Variants in ZNF33B observed in about 807,000 individuals in gnomAD.
The protein encoded by ZNF33B is zinc finger protein 11b (KOX 2).
ZNF33B carries 29 observed loss-of-function variants against 45.8 expected under a neutral mutation model. The observed-to-expected ratio is 0.63, with a 90% CI of 0.47 to 0.86. The LOEUF (loss-of-function observed/expected upper bound fraction) is 0.86. Ranked by LOEUF, ZNF33B falls within the 40% of genes least tolerant of loss-of-function variation. The pLI is 0.00. For missense variants in ZNF33B, 831 were observed against 909.9 expected (o/e 0.91, Z 1.12); for synonymous variants, 305 against 307.8 (o/e 0.99, Z 0.10).
At chr10:42,601,058 T>TA (rs1165684734) in intron 4 of ZNF33B, among the ~76,000 whole-genome samples, 1 of 152,200 alleles carries the variant, frequency 6.6e-6, no homozygotes, top group East Asian at 1.9e-4. Context: ...TAGCTATTTT[T>TA]ACCAAGTATA....
chr10:42,637,593 C>CA (rs1839375026), intron 1 of ZNF33B, among the ~76,000 whole-genome samples: 1 of 152,072 alleles, frequency 6.6e-6, no homozygotes, highest in South Asian at 2.1e-4. Context: ...GTAACCTTGA[C>CA]AAACAAAAAA....
intron 1 of ZNF33B, chr10:42,583,211 T>C: frequency 1.4e-6 from 1 of 702,732 alleles, no homozygotes; most frequent in South Asian, 1.4e-5. Flanking sequence ...CCTCTTTTCT[T>C]GTGTTTTCCT....
chr10:42,587,528 T>G (rs1258787099), downstream of ZNF33B, among the ~76,000 whole-genome samples: 2 of 152,152 alleles, frequency 1.3e-5, no homozygotes, highest in African/African-American at 2.4e-5. Context: ...GTGCTGCGAT[T>G]TGTTGAGCCA....
chr10:42,602,916 T>C (rs1837686914), intron 4 of ZNF33B, among the ~76,000 whole-genome samples: 1 of 152,142 alleles, frequency 6.6e-6, no homozygotes, highest in Admixed American at 6.6e-5. Context: ...TCCAGGCCTC[T>C]CTCTGTGTGC....
At chr10:42,627,013 T>C (rs1317551259) in intron 4 of ZNF33B, among the ~76,000 whole-genome samples, 4 of 152,078 alleles carry the variant, frequency 2.6e-5, no homozygotes, top group Admixed American at 1.3e-4. Flanking sequence ...TTTTTCTTTT[T>C]TTTTTTGGAG....
At chr10:42,604,903 A>G (rs575897167) in intron 4 of ZNF33B, among the ~76,000 whole-genome samples, 1 of 152,034 alleles carries the variant, frequency 6.6e-6, no homozygotes, top group Non-Finnish European at 1.5e-5. Context: ...CTTGGGCAAC[A>G]AGAGTGAAAT....
downstream of ZNF33B, among the ~76,000 whole-genome samples, chr10:42,586,790 A>G (rs1836945040): frequency 6.6e-6 from 1 of 152,222 alleles, no homozygotes; most frequent in African/African-American, 2.4e-5. Flanking sequence ...AGCATGGCCA[A>G]ATGCCAAATT....
rs1837083584 is a variant in ZNF33B, at chr10:42,590,624, A to G, written c.*1989T>C. On this transcript the variant is annotated 3_prime_UTR_variant, in exon 5 of 5. Transcript: ENST00000359467. ...TACTGCTTCAATTTATTTAATAGATATATATGCCTACTGAGATCTACCTTT... is the reference window on the plus strand; with the variant it reads ...TACTGCTTCAATTTATTTAATAGATGTATATGCCTACTGAGATCTACCTTT... The G allele has an allele frequency of 6.6e-6, 1 of 152,076 alleles. No individual in the cohort carries two copies. The highest frequency in any genetic ancestry group is 1.5e-5 in the Non-Finnish European group (1 of 68,008). The allele number at this position is 152,076 out of a possible 1,614,324, so 9.4% of individuals were successfully genotyped here.
intron 4 of ZNF33B, among the ~76,000 whole-genome samples, chr10:42,612,840 TTTTC>T (rs983557727): frequency 6.8e-6 from 1 of 147,234 alleles, no homozygotes; most frequent in South Asian, 2.1e-4. Context: ...TGATAATTTA[TTTTC>T]TTTCTTTCTT....
Position 42,591,226 on chromosome 10 carries a change from G to A in ZNF33B, c.*1387C>T, listed in dbSNP as rs1266359279. The A allele has an allele frequency of 6.6e-6, 6 of 910,960 alleles. No homozygotes were observed. Among genetic ancestry groups the A allele is most frequent in the Non-Finnish European group, 7.9e-6 (6 of 762,776 alleles). 56.4% of individuals were successfully genotyped at this position (910,960 alleles called of 1,614,324 possible). On this transcript the variant is annotated 3_prime_UTR_variant, in exon 5 of 5. Coordinates refer to ENST00000359467, the MANE Select transcript of ZNF33B (RefSeq NM_006955.3). ...AGTCCAACAGCCCTGGGCAGCAACT[G>A]GGCTGTATGTGTGGGCCTCTTTCCA...
intron 4 of ZNF33B, among the ~76,000 whole-genome samples, chr10:42,601,539 C>G (rs1837623332): frequency 7.6e-6 from 1 of 131,028 alleles, no homozygotes; most frequent in South Asian, 2.6e-4. Flanking sequence ...GTGGTGCAAT[C>G]TCAGCCTCAC....
intron 4 of ZNF33B, among the ~76,000 whole-genome samples, chr10:42,621,518 T>A (rs1589059092): frequency 6.6e-6 from 1 of 151,854 alleles, no homozygotes; most frequent in Non-Finnish European, 1.5e-5. Flanking sequence ...GCCTGTGTGG[T>A]TCAACATAAG....
At chr10:42,634,477 A>G (rs1220311860) in intron 2 of ZNF33B, among the ~76,000 whole-genome samples, 9 of 152,198 alleles carry the variant, frequency 5.9e-5, no homozygotes, top group Non-Finnish European at 8.8e-5. Flanking sequence ...AAGTTATTTT[A>G]AGAATACTAA....
intron 4 of ZNF33B, among the ~76,000 whole-genome samples, chr10:42,602,819 C>G (rs1837682632): frequency 6.6e-6 from 1 of 151,460 alleles, no homozygotes; most frequent in African/African-American, 2.4e-5. Context: ...CCCTCTGATT[C>G]TTTTCAAAAG....
At position 42,594,405 on chromosome 10, in the gene ZNF33B, T is replaced by C. The variant is rs1260807415; in HGVS notation, c.545A>G (p.His182Arg). The C allele has an allele frequency of 3.1e-6, 5 of 1,613,760 alleles. No individual in the cohort carries two copies. The highest frequency in any genetic ancestry group is 2.2e-5 in the South Asian group (2 of 91,060). The change falls in exon 5 of 5, where the codon CAT becomes CGT. Residue 182 changes from histidine to arginine, a missense_variant. Coordinates refer to ENST00000359467, the MANE Select transcript of ZNF33B (RefSeq NM_006955.3). ...ACGKLLLNIK[H>R]DETHTREKNE... is the part of the protein sequence containing the mutation. ...TTTCTCTCGAGTATGAGTTTCATCA[T>C]GCTTAATATTGAGTAACAATTTCCC...
intron 4 of ZNF33B, among the ~76,000 whole-genome samples, chr10:42,616,929 C>T (rs1838345528): frequency 1.3e-5 from 2 of 151,680 alleles, no homozygotes; most frequent in African/African-American, 4.8e-5. Context: ...CTCCTGACCT[C>T]GTGATCTGCA....
At chr10:42,597,463 A>G (rs916503533) in intron 4 of ZNF33B, among the ~76,000 whole-genome samples, 9 of 152,136 alleles carry the variant, frequency 5.9e-5, no homozygotes, top group African/African-American at 2.2e-4. Flanking sequence ...TTAATATGAT[A>G]CCTTGATTGA....
At chr10:42,578,012 C>T (rs1389923935) in intron 1 of ZNF33B, among the ~76,000 whole-genome samples, 3 of 152,140 alleles carry the variant, frequency 2.0e-5, no homozygotes, top group South Asian at 4.1e-4. Flanking sequence ...CACCCCTCCT[C>T]TAGTCACAGA....
At chr10:42,599,691 C>T (rs1417008292) in intron 4 of ZNF33B, among the ~76,000 whole-genome samples, 2 of 151,926 alleles carry the variant, frequency 1.3e-5, no homozygotes, top group African/African-American at 2.4e-5. Context: ...ATTTGTGTCG[C>T]ATAAGAAAGA....
Sources: gnomAD v4.1 joint callset for allele counts (sites outside exome capture counted in the v4.1 genomes callset) on GRCh38, gnomAD v4.1.1 for gene constraint, MANE v1.5 for transcripts, NCBI Gene and HGNC (gene_info 2026-07-23, HGNC 2026-07-21) for gene names.